The following RNLS variants were observed in gnomAD, a reference collection of about 807,000 sequenced individuals.
RNLS encodes the protein renalase, FAD dependent amine oxidase.
Under a neutral mutation model 39.8 loss-of-function variants are expected in RNLS, and 39 were observed. That is an observed-to-expected ratio of 0.98 (90% CI 0.76 to 1.28). RNLS has a LOEUF of 1.28. RNLS is among the 50% of genes most tolerant of loss of function. The pLI is 0.00. For synonymous variants in RNLS, 147 were observed against 150.7 expected, an observed-to-expected ratio of 0.98 and a Z score of 0.18; for missense variants, 410 against 413.3, an observed-to-expected ratio of 0.99 and a Z score of 0.07.
downstream of RNLS, among the ~76,000 whole-genome samples, chr10:88,282,751 A>G (rs1009689864): frequency 6.6e-6 from 1 of 152,054 alleles, no homozygotes; most frequent in Non-Finnish European, 1.5e-5. Context: ...CAGAAATGCC[A>G]AAGGTGAAAA....
chr10:88,375,252 TG>T (rs1850885057), intron 4 of RNLS, among the ~76,000 whole-genome samples: 1 of 152,060 alleles, frequency 6.6e-6, no homozygotes, highest in African/African-American at 2.4e-5. Flanking sequence ...AAATTAAAAA[TG>T]GCTTTAATGC....
intron 6 of RNLS, among the ~76,000 whole-genome samples, chr10:88,302,731 C>A (rs1057490614): frequency 5.3e-5 from 8 of 152,040 alleles, no homozygotes; most frequent in African/African-American, 1.9e-4. Context: ...TGTAGTTTGT[C>A]GAGGTGGCTG....
the RNLS span, among the ~76,000 whole-genome samples, chr10:88,179,112 C>A: frequency 6.6e-6 from 1 of 152,208 alleles, no homozygotes; most frequent in Middle Eastern, 3.4e-3. Context: ...TAACAGTAAA[C>A]ACAATAAATA....
intron 4 of RNLS, among the ~76,000 whole-genome samples, chr10:88,533,615 G>T (rs1053824285): frequency 1.3e-5 from 2 of 152,066 alleles, no homozygotes; most frequent in South Asian, 2.1e-4. Context: ...CAGTTGTGAG[G>T]ATGGAGTGAA....
chr10:88,191,341 T>A, the RNLS span, among the ~76,000 whole-genome samples: 2 of 152,292 alleles, frequency 1.3e-5, no homozygotes, highest in East Asian at 3.9e-4. Context: ...CCCAGGGAGT[T>A]CTCTCTCTTT....
rs758420663 is a variant in RNLS at position 88,582,195 on chromosome 10, A to C, written c.224+7T>G. The C allele has an allele frequency of 1.2e-6, 2 of 1,607,898 alleles. No homozygotes were observed. Among genetic ancestry groups the C allele is most frequent in the African/African-American group, 2.7e-5 (2 of 74,902 alleles). On this transcript the variant is annotated splice_region_variant and intron_variant, in intron 2 of 6. Transcript: ENST00000331772. ...AAGATTGATTCCACTCCTTGCAACT[A>C]ACTCACCGTTGGTGTTTTTTGGCAT...
At chr10:88,465,566 T>C (rs1054846745) in intron 4 of RNLS, among the ~76,000 whole-genome samples, 3 of 152,044 alleles carry the variant, frequency 2.0e-5, no homozygotes, top group Admixed American at 6.6e-5. Context: ...TGCAGGGGGA[T>C]GGTCAGGCAT....
At chr10:88,288,346 T>G (rs547382913) in intron 6 of RNLS, among the ~76,000 whole-genome samples, 1 of 152,268 alleles carries the variant, frequency 6.6e-6, no homozygotes, top group African/African-American at 2.4e-5. Context: ...CTCCAGAACT[T>G]ACATTTCCAG....
chr10:88,250,935 T>C, the RNLS span, among the ~76,000 whole-genome samples: 2 of 152,236 alleles, frequency 1.3e-5, no homozygotes. Flanking sequence ...TGAAATAATA[T>C]GGCAAACTGC....
chr10:88,243,141 C>T, the RNLS span, among the ~76,000 whole-genome samples: 13 of 152,248 alleles, frequency 8.5e-5, no homozygotes, highest in South Asian at 1.5e-3. Context: ...GAAAATGCCT[C>T]GCACAGTGCC....
At chr10:88,495,784 G>A (rs2134084754) in intron 4 of RNLS, among the ~76,000 whole-genome samples, 1 of 152,244 alleles carries the variant, frequency 6.6e-6, no homozygotes, top group South Asian at 2.1e-4. Flanking sequence ...CAAGTGACAA[G>A]GAATCCGTGG....
chr10:88,234,183 C>T, the RNLS span, among the ~76,000 whole-genome samples: 14 of 151,246 alleles, frequency 9.3e-5, no homozygotes, highest in East Asian at 9.7e-4. Context: ...AGGGACCAGA[C>T]GGAAAAGAGG....
chr10:88,180,951 A>T, the RNLS span, among the ~76,000 whole-genome samples: 1 of 152,200 alleles, frequency 6.6e-6, no homozygotes, highest in Non-Finnish European at 1.5e-5. Context: ...ATTTAAGTTC[A>T]TGCATATTCC....
chr10:88,289,408 T>A (rs186679722), intron 6 of RNLS, among the ~76,000 whole-genome samples: 1 of 152,290 alleles, frequency 6.6e-6, no homozygotes, highest in Non-Finnish European at 1.5e-5. Flanking sequence ...ACCATTTTGC[T>A]GGGTGATGTT....
intron 4 of RNLS, among the ~76,000 whole-genome samples, chr10:88,443,968 G>A (rs1206258713): frequency 6.6e-6 from 1 of 152,230 alleles, no homozygotes; most frequent in Admixed American, 6.5e-5. Context: ...GCTTTGAAGA[G>A]AGTTGTGGTT....
chr10:88,498,934 T>C (rs1845318432), intron 4 of RNLS, among the ~76,000 whole-genome samples: 1 of 152,158 alleles, frequency 6.6e-6, no homozygotes, highest in Non-Finnish European at 1.5e-5. Flanking sequence ...AAACAACTCA[T>C]GAACTTTGAT....
chr10:88,562,972 T>C (rs1350136333), intron 4 of RNLS, among the ~76,000 whole-genome samples: 1 of 152,162 alleles, frequency 6.6e-6, no homozygotes, highest in Non-Finnish European at 1.5e-5. Context: ...ACAATCTCCA[T>C]AAATATTATA....
chr10:88,408,362 A>T lies in RNLS; in HGVS notation c.527-45637T>A, dbSNP rs893437358. Reference sequence around the variant, plus strand: ...GAATGTTGGTGTTCCTCCAAAATTCATATGTTAGAACCTAATACCAAATAT... The same window carrying T: ...GAATGTTGGTGTTCCTCCAAAATTCTTATGTTAGAACCTAATACCAAATAT... On this transcript the variant is annotated intron_variant, in intron 4 of 6. Transcript: ENST00000331772. 2.0e-5 allele frequency among the ~76,000 whole-genome samples: 3 copies of T among 152,100 alleles called. No individual in the cohort carries two copies. In the South Asian group the frequency reaches 6.2e-4, roughly 32 times the overall value.
intron 4 of RNLS, among the ~76,000 whole-genome samples, chr10:88,522,587 T>C (rs1382866501): frequency 6.6e-6 from 1 of 152,094 alleles, no homozygotes; most frequent in East Asian, 1.9e-4. Context: ...AGGGCAATTA[T>C]CTCTTCAGGC....
Sources: allele counts gnomAD v4.1 joint callset (sites outside exome capture counted in the v4.1 genomes callset), GRCh38; gene constraint gnomAD v4.1.1; transcripts MANE v1.5; gene names NCBI Gene and HGNC (gene_info 2026-07-23, HGNC 2026-07-21).